The following VSNL1 variants were observed in gnomAD, a reference collection of about 807,000 sequenced individuals.
VSNL1 encodes the protein visinin-like protein 1.
Under a neutral mutation model 20.4 loss-of-function variants are expected in VSNL1, and 6 were observed. The observed-to-expected ratio is 0.29, with a 90% CI of 0.16 to 0.58. VSNL1 has a LOEUF of 0.58. Ranked by LOEUF, VSNL1 falls within the 20% of genes least tolerant of loss-of-function variation. VSNL1 has a pLI of 0.90. For missense variants in VSNL1, 100 were observed against 234.5 expected (o/e 0.43, Z 3.75); for synonymous variants, 93 against 86.4 (o/e 1.08, Z -0.42).
chr2:17,561,886 C>T (rs1052372458), intron 1 of VSNL1, among the ~76,000 whole-genome samples: 1 of 152,070 alleles, frequency 6.6e-6, no homozygotes, highest in Non-Finnish European at 1.5e-5. Context: ...TTTGGTGACT[C>T]TTAACAATAG....
At chr2:17,554,816 C>T (rs1401192784) in intron 1 of VSNL1, among the ~76,000 whole-genome samples, 1 of 152,064 alleles carries the variant, frequency 6.6e-6, no homozygotes, top group African/African-American at 2.4e-5. Context: ...TTATATTTTC[C>T]TCCATTTTCA....
intron 2 of VSNL1, among the ~76,000 whole-genome samples, chr2:17,631,062 G>A (rs1665617390): frequency 6.6e-6 from 1 of 152,172 alleles, no homozygotes; most frequent in South Asian, 2.1e-4. Context: ...TTACAGGCGT[G>A]AGCCACTGTG....
chr2:17,617,866 T>TACATGCACATGCACATGCAC (rs70961500), intron 2 of VSNL1, among the ~76,000 whole-genome samples: 36,022 of 151,184 alleles, frequency 0.24, 5,585 homozygotes, highest in Middle Eastern at 0.48. Flanking sequence ...TTCACCTGCA[T>TACATGCACATGCACATGCAC]ACATGCACAT....
intron 2 of VSNL1, among the ~76,000 whole-genome samples, chr2:17,621,288 C>T (rs531366506): frequency 3.5e-5 from 5 of 143,596 alleles, no homozygotes; most frequent in Non-Finnish European, 6.1e-5. Flanking sequence ...TTCTTTTTTT[C>T]TCTCTCTCTT....
intron 2 of VSNL1, among the ~76,000 whole-genome samples, chr2:17,645,556 G>A (rs983847856): frequency 3.3e-5 from 5 of 152,238 alleles, no homozygotes; most frequent in African/African-American, 9.6e-5. Context: ...CTGTGCCCAC[G>A]CTGGGTGGGG....
intron 2 of VSNL1, among the ~76,000 whole-genome samples, chr2:17,641,385 A>C (rs150315676): frequency 1.3e-5 from 2 of 152,220 alleles, no homozygotes; most frequent in African/African-American, 2.4e-5. Flanking sequence ...GTGCCATTTA[A>C]AATTAATAAA....
At chr2:17,569,609 C>T (rs1664034323) in intron 1 of VSNL1, among the ~76,000 whole-genome samples, 2 of 152,156 alleles carry the variant, frequency 1.3e-5, no homozygotes, top group African/African-American at 4.8e-5. Context: ...CGTTACCTCA[C>T]TGTGCTCCAT....
chr2:17,551,660 C>G (rs1275257061), intron 1 of VSNL1, among the ~76,000 whole-genome samples: 1 of 152,100 alleles, frequency 6.6e-6, no homozygotes, highest in Non-Finnish European at 1.5e-5. Flanking sequence ...GGAAAGTGAT[C>G]TAGATCCAAG....
At chr2:17,603,799 G>T (rs1475934449) in intron 2 of VSNL1, among the ~76,000 whole-genome samples, 1 of 152,060 alleles carries the variant, frequency 6.6e-6, no homozygotes, top group Non-Finnish European at 1.5e-5. Context: ...ACAACATGAT[G>T]GACAATACCA....
At chr2:17,544,471 C>A (rs1362800883) in intron 1 of VSNL1, among the ~76,000 whole-genome samples, 5 of 152,136 alleles carry the variant, frequency 3.3e-5, no homozygotes, top group Admixed American at 1.3e-4. Context: ...CTGTGAATCA[C>A]CTCCCCATTA....
At chr2:17,639,674 A>G (rs1421101061) in intron 2 of VSNL1, among the ~76,000 whole-genome samples, 1 of 152,242 alleles carries the variant, frequency 6.6e-6, no homozygotes, top group East Asian at 1.9e-4. Flanking sequence ...AATAACAACA[A>G]TAATAATAGC....
At chr2:17,569,110 C>T (rs2103354621) in intron 1 of VSNL1, among the ~76,000 whole-genome samples, 1 of 152,150 alleles carries the variant, frequency 6.6e-6, no homozygotes, top group East Asian at 1.9e-4. Flanking sequence ...AGTTTGAGAC[C>T]TGTCTGGCCA....
chr2:17,602,121 G>A (rs953541651), intron 2 of VSNL1, among the ~76,000 whole-genome samples: 3 of 152,200 alleles, frequency 2.0e-5, no homozygotes, highest in African/African-American at 7.2e-5. Context: ...TTGGGTCTGT[G>A]AATGACCAAC....
intron 1 of VSNL1, among the ~76,000 whole-genome samples, chr2:17,565,168 C>T (rs1277790685): frequency 6.6e-6 from 1 of 152,108 alleles, no homozygotes; most frequent in African/African-American, 2.4e-5. Flanking sequence ...TAATCTTCAA[C>T]ATTGTAAAGT....
chr2:17,559,269 T>C (rs1468256493), intron 1 of VSNL1, among the ~76,000 whole-genome samples: 2 of 152,196 alleles, frequency 1.3e-5, no homozygotes, highest in Non-Finnish European at 2.9e-5. Flanking sequence ...TTAGGGGTTT[T>C]ATTACTAAAG....
rs142744691 is a variant in VSNL1 at position 17,589,485 on chromosome 2, A to G, written c.-5-2585A>G. Reference sequence around the variant, plus strand: ...GGGGAGGCCAATCTTTAATCAAGGCAAGATCTGATGAGGCCTATGAGGGCA... The same window carrying G: ...GGGGAGGCCAATCTTTAATCAAGGCGAGATCTGATGAGGCCTATGAGGGCA... On this transcript the variant is annotated intron_variant, in intron 1 of 3. Transcript: ENST00000295156. 4.1e-3 allele frequency among the ~76,000 whole-genome samples: 629 copies of G among 152,296 alleles called. 6 individuals carry two copies. Among genetic ancestry groups the G allele is most frequent in the African/African-American group, 0.014 (583 of 41,582 alleles).
At chr2:17,605,366 C>G (rs1664920606) in intron 2 of VSNL1, among the ~76,000 whole-genome samples, 1 of 152,080 alleles carries the variant, frequency 6.6e-6, no homozygotes, top group Non-Finnish European at 1.5e-5. Flanking sequence ...CCCAGAACCC[C>G]TACAAGGCTG....
intron 2 of VSNL1, among the ~76,000 whole-genome samples, chr2:17,632,041 C>T (rs922521077): frequency 2.6e-5 from 4 of 152,038 alleles, no homozygotes; most frequent in African/African-American, 9.7e-5. Flanking sequence ...CCCATGCCAC[C>T]ATGCCTGGCT....
intron 1 of VSNL1, among the ~76,000 whole-genome samples, chr2:17,554,027 T>C (rs889874871): frequency 1.3e-5 from 2 of 152,150 alleles, no homozygotes; most frequent in Non-Finnish European, 2.9e-5. Context: ...TGTATGAAGT[T>C]AATGGACACT....
Sources: allele counts gnomAD v4.1 joint callset (sites outside exome capture counted in the v4.1 genomes callset), GRCh38; gene constraint gnomAD v4.1.1; transcripts MANE v1.5; gene names NCBI Gene and HGNC (gene_info 2026-07-23, HGNC 2026-07-21).